Variants in EXOC3 observed in about 807,000 individuals in gnomAD.
EXOC3 encodes the protein SEC6-like 1.
EXOC3 carries 21 observed loss-of-function variants against 73.7 expected under a neutral mutation model. That is an observed-to-expected ratio of 0.29 (90% CI 0.20 to 0.41). The LOEUF is 0.41. Among genes scored for constraint, EXOC3 ranks in the 10% least tolerant of loss-of-function variants. The probability of loss-of-function intolerance (pLI) is 1.00; values close to 1 mark genes in which losing one functional copy is unlikely to be tolerated. For synonymous variants in EXOC3, 410 were observed against 389.1 expected (o/e 1.05, Z -0.63); for missense variants, 842 against 985.1 (o/e 0.85, Z 1.95).
intron 7 of EXOC3, among the ~76,000 whole-genome samples, chr5:459,947 T>TCACCCA (rs1737935613): frequency 6.6e-6 from 1 of 152,252 alleles, no homozygotes; most frequent in Admixed American, 6.5e-5. Context: ...AAAACTGTGT[T>TCACCCA]CACCCATCGT....
chr5:463,021 C>G (rs1738034709), intron 9 of EXOC3, among the ~76,000 whole-genome samples: 1 of 152,204 alleles, frequency 6.6e-6, no homozygotes, highest in African/African-American at 2.4e-5. Context: ...AGGAGAATTG[C>G]TTGAACCCGG....
chr5:450,921 T>C (rs1356636416), intron 3 of EXOC3, among the ~76,000 whole-genome samples: 1 of 152,184 alleles, frequency 6.6e-6, no homozygotes, highest in African/African-American at 2.4e-5. Context: ...TCTTGGGCTC[T>C]AAGGTCAGTC....
At chr5:449,013 A>G (rs1203011496) in intron 3 of EXOC3, among the ~76,000 whole-genome samples, 1 of 152,114 alleles carries the variant, frequency 6.6e-6, no homozygotes, top group Non-Finnish European at 1.5e-5. Context: ...CTTTCTAGTT[A>G]ATTTCCTCTT....
intron 6 of EXOC3, among the ~76,000 whole-genome samples, chr5:458,257 T>C (rs769986696): frequency 6.6e-6 from 1 of 152,240 alleles, no homozygotes; most frequent in Non-Finnish European, 1.5e-5. Flanking sequence ...TCACTTTACT[T>C]TTCTGACCTG....
intron 6 of EXOC3, among the ~76,000 whole-genome samples, 160 bp from the exon 7 acceptor site, chr5:459,195 AAACT>A (rs771616524): frequency 6.9e-6 from 1 of 144,030 alleles, no homozygotes; most frequent in African/African-American, 2.5e-5. Context: ...TTTTTTTTTT[AAACT>A]AACTTTGTTA....
chr5:459,183 T>G (rs1461844639), intron 6 of EXOC3, among the ~76,000 whole-genome samples, 176 bp from the exon 7 acceptor site: 4 of 149,890 alleles, frequency 2.7e-5, no homozygotes, highest in South Asian at 2.1e-4. Context: ...GAAAGTTGTT[T>G]TTTTTTTTTT....
At chr5:465,074 C>G (rs749869198) in intron 10 of EXOC3, 37 bp from the exon 11 acceptor site, 1 of 1,513,408 alleles carries the variant, frequency 6.6e-7, no homozygotes, top group East Asian at 2.5e-5. Flanking sequence ...GCCGCCAGAG[C>G]CGTGGAGCCT....
At chr5:458,168 GTCCTC>G (rs1737877960) in intron 6 of EXOC3, 143 bp downstream of exon 6, 1 of 809,156 alleles carries the variant, frequency 1.2e-6, no homozygotes, top group Non-Finnish European at 1.9e-6. Flanking sequence ...GTGCATCTAA[GTCCTC>G]TCCTCTCTCT....
intron 3 of EXOC3, among the ~76,000 whole-genome samples, chr5:452,933 G>C (rs565496887): frequency 5.9e-5 from 9 of 152,362 alleles, no homozygotes; most frequent in African/African-American, 2.2e-4. Context: ...AGGGACCTGT[G>C]AACAGGGGAA....
intron 2 of EXOC3, chr5:447,294 C>A: frequency 2.0e-6 from 1 of 492,080 alleles, no homozygotes; most frequent in Non-Finnish European, 3.6e-6. Flanking sequence ...GTGTCCTGAC[C>A]TTTTCTCATC....
rs367896733 is a variant in EXOC3, at chr5:452,414, TC to T, written c.365-954del. 1.4e-3 allele frequency among the ~76,000 whole-genome samples: 207 copies of T among 152,024 alleles called. 13 individuals are homozygous for T. In the East Asian group the frequency reaches 0.018, roughly 14 times the overall value. On this transcript the variant is annotated intron_variant, in intron 3 of 12. Transcript: ENST00000512944. ...GATTTTCTGTCTCATTATTGGTATT[TC>T]CATTTTGCTCATACATGTCTTTCTT...
chr5:443,245 GGCGGCGGCGGC>G lies in EXOC3; in HGVS notation c.-100_-90del, dbSNP rs1737388258. The stretch of plus-strand genomic sequence containing the variant: ...GGGCGGCGGGGGCGGCGGCGGCGGC[GGCGGCGGCGGC>G]GGCGGCGGCGGCGGCGGCGGCGTAG... On this transcript the variant is annotated 5_prime_UTR_variant, in exon 1 of 13. Coordinates refer to ENST00000512944, the MANE Select transcript of EXOC3 (RefSeq NM_007277.5). The G allele has an allele frequency of 1.8e-4, 1 of 5,580 alleles. No homozygotes were observed. The highest frequency in any genetic ancestry group is 7.8e-4 in the African/African-American group (1 of 1,278). The allele number at this position is 5,580 out of a possible 1,614,324, so 0.3% of individuals were successfully genotyped here.
intron 7 of EXOC3, among the ~76,000 whole-genome samples, chr5:459,791 G>A (rs948918812): frequency 6.6e-6 from 1 of 152,224 alleles, no homozygotes; most frequent in Admixed American, 6.5e-5. Context: ...GACTCCTGCC[G>A]CAGTGCCTAC....
At chr5:449,160 G>A (rs552484863) in intron 3 of EXOC3, among the ~76,000 whole-genome samples, 3 of 152,328 alleles carry the variant, frequency 2.0e-5, no homozygotes, top group Admixed American at 6.5e-5. Flanking sequence ...ATGAGCCTGC[G>A]TGGTATGCAT....
Position 447,553 on chromosome 5 carries a change from G to A in EXOC3, c.165G>A (p.Leu55=), listed in dbSNP as rs1737541869. 1.9e-6 allele frequency: 3 copies of A among 1,579,744 alleles called. No homozygotes were observed. Among genetic ancestry groups the A allele is most frequent in the African/African-American group, 1.4e-5 (1 of 73,978 alleles). ...ARLKAAIQSQ[L]DGVRTGLSQL... ...TTTAGGCCGCCATCCAGTCACAGTTGGACGGGGTGCGCACAGGCCTCAGCC... is the reference window on the plus strand; with the variant it reads ...TTTAGGCCGCCATCCAGTCACAGTTAGACGGGGTGCGCACAGGCCTCAGCC... Residue 55 remains leucine (L), a synonymous_variant, in exon 3 of 13, where the codon TTG becomes TTA. Transcript: ENST00000512944.
At chr5:462,409 T>C (rs1384102320) in intron 9 of EXOC3, 102 bp downstream of exon 9, 2 of 1,352,506 alleles carry the variant, frequency 1.5e-6, no homozygotes, top group East Asian at 4.6e-5. Context: ...GCGGATGCCG[T>C]CTGGGGAGCC....
At chr5:458,653 T>G (rs544136473) in intron 6 of EXOC3, among the ~76,000 whole-genome samples, 1 of 152,330 alleles carries the variant, frequency 6.6e-6, no homozygotes, top group South Asian at 2.1e-4. Flanking sequence ...GGATTCACTT[T>G]CCAGTGTCCG....
Position 464,303 on chromosome 5 carries a change from A to G in EXOC3, c.1667A>G (p.Glu556Gly), listed in dbSNP as rs1738072170. The change falls in exon 10 of 13, where the codon GAA becomes GGA. Residue 556 changes from glutamate to glycine, a missense_variant. Physicochemically the swap from Glu to Gly is moderately conservative, Grantham distance 98. Coordinates refer to ENST00000512944, the MANE Select transcript of EXOC3 (RefSeq NM_007277.5). Reference sequence around the variant, plus strand: ...TCTGCTTTTCAGCAACATCTGAATGAATTGATGACGAAGAAGTGGCTATTA... The same window carrying G: ...TCTGCTTTTCAGCAACATCTGAATGGATTGATGACGAAGAAGTGGCTATTA... ...VFLDLEQHLNELMTKKWLLGS... is the reference protein window; with the variant it reads ...VFLDLEQHLNGLMTKKWLLGS... 2 of 1,613,460 alleles carry G rather than the reference A, an allele frequency of 1.2e-6. No individual in the cohort carries two copies. The highest frequency in any genetic ancestry group is 1.7e-6 in the Non-Finnish European group (2 of 1,179,552).
At position 446,216 on chromosome 5, in the gene EXOC3, C is replaced by G; in HGVS notation, c.11C>G (p.Thr4Arg). Residue 4 changes from threonine (T) to arginine (R), a missense_variant, in exon 2 of 13, where the codon ACA becomes AGA. Coordinates refer to ENST00000512944, the MANE Select transcript of EXOC3 (RefSeq NM_007277.5). Reference sequence around the variant, plus strand: ...ACCAGCTTTTTCACCATGAAGGAGACAGACCGGGAGGCCGTTGCGACAGCA... The same window carrying G: ...ACCAGCTTTTTCACCATGAAGGAGAGAGACCGGGAGGCCGTTGCGACAGCA... MKE[T>R]DREAVATAVQ... 6.2e-7 allele frequency: 1 copy of G among 1,613,980 alleles called. No homozygotes were observed. Among genetic ancestry groups the G allele is most frequent in the Non-Finnish European group, 8.5e-7 (1 of 1,179,866 alleles).
Sources: gnomAD v4.1 joint callset for allele counts (sites outside exome capture counted in the v4.1 genomes callset) on GRCh38, gnomAD v4.1.1 for gene constraint, MANE v1.5 for transcripts, NCBI Gene and HGNC (gene_info 2026-07-23, HGNC 2026-07-21) for gene names.